KLHL18: variants seen among roughly 807,000 people sequenced by gnomAD.
The protein encoded by KLHL18 is kelch like family member 18, also known as kelch-like protein 18.
In KLHL18, 38 loss-of-function variants were observed where a neutral mutation model predicts 58.5. The ratio of observed to expected loss-of-function variants is 0.65; its 90% CI spans 0.50 to 0.85. The LOEUF (loss-of-function observed/expected upper bound fraction) is 0.85. KLHL18 is among the 40% of genes least tolerant of loss of function. The probability of loss-of-function intolerance (pLI) is 0.00; values close to 1 mark genes in which losing one functional copy is unlikely to be tolerated. For synonymous variants in KLHL18, 303 were observed against 301.9 expected (o/e 1.00, Z -0.04); for missense variants, 624 against 778.4 (o/e 0.80, Z 2.36).
chr3:47,292,367 G>A (rs868315538), intron 1 of KLHL18, among the ~76,000 whole-genome samples: 4 of 152,056 alleles, frequency 2.6e-5, no homozygotes, highest in East Asian at 3.9e-4. Flanking sequence ...CCAGCTACTC[G>A]GGAGGCTGAG....
At chr3:47,330,825 G>A (rs949509967) in intron 4 of KLHL18, among the ~76,000 whole-genome samples, 3 of 152,106 alleles carry the variant, frequency 2.0e-5, no homozygotes, top group African/African-American at 7.2e-5. Flanking sequence ...CCATCTCCCA[G>A]GTTCAAGCAA....
chr3:47,316,094 G>GA (rs1384870347), intron 1 of KLHL18, among the ~76,000 whole-genome samples: 2 of 152,012 alleles, frequency 1.3e-5, no homozygotes, highest in Non-Finnish European at 2.9e-5. Context: ...TTTCTGAGGA[G>GA]AAAAAATTAC....
chr3:47,327,365 A>G (rs973243005), intron 3 of KLHL18, among the ~76,000 whole-genome samples: 3 of 152,270 alleles, frequency 2.0e-5, no homozygotes, highest in Non-Finnish European at 4.4e-5. Context: ...ATGAATGCCA[A>G]TGGCTACGTT....
At chr3:47,292,469 C>T (rs1304966780) in intron 1 of KLHL18, among the ~76,000 whole-genome samples, 1 of 150,170 alleles carries the variant, frequency 6.7e-6, no homozygotes, top group African/African-American at 2.5e-5. Flanking sequence ...AGTGAAACTC[C>T]ATCTCAAAAA....
chr3:47,336,399 G>T, intron 6 of KLHL18, 136 bp from the exon 7 acceptor site: 1 of 730,138 alleles, frequency 1.4e-6, no homozygotes. Context: ...TTCTTAGTGG[G>T]CCCTTGTGCC....
chr3:47,287,459 G>A (rs1034933530), intron 1 of KLHL18: 2 of 145,928 alleles, frequency 1.4e-5, no homozygotes, highest in African/African-American at 5.4e-5. Context: ...AGTAGTGTGT[G>A]TGTGTGTGTG....
In KLHL18 at chr3:47,282,993, G is replaced by A; in HGVS notation, c.28G>A (p.Glu10Lys). 1 of 1,611,364 alleles carries A rather than the reference G, an allele frequency of 6.2e-7. No individual in the cohort carries two copies. Among genetic ancestry groups the A allele is most frequent in the Non-Finnish European group, 8.5e-7 (1 of 1,179,058 alleles). ...GGTGGAGGACGGCGCGGAGGAGCTGGAGGATCTGGTGCACTTCTCCGTGTC... is the reference window on the plus strand; with the variant it reads ...GGTGGAGGACGGCGCGGAGGAGCTGAAGGATCTGGTGCACTTCTCCGTGTC... MVEDGAEEL[E>K]DLVHFSVSEL... The change falls in exon 1 of 10, where the codon GAG (glutamate) becomes AAG (lysine). Residue 10 changes from glutamate (E) to lysine (K), a missense_variant. Glu to Lys is a moderately conservative substitution (Grantham distance 56, BLOSUM62 1). Transcript: ENST00000232766.
At chr3:47,309,984 G>A (rs868320140) in intron 1 of KLHL18, among the ~76,000 whole-genome samples, 1 of 151,318 alleles carries the variant, frequency 6.6e-6, no homozygotes. Context: ...ACCGTGGGGA[G>A]AGGGAGGGGG....
intron 1 of KLHL18, among the ~76,000 whole-genome samples, chr3:47,319,296 T>TA (rs1429800619): frequency 3.0e-4 from 46 of 152,338 alleles, no homozygotes; most frequent in African/African-American, 1.1e-3. Context: ...GATAAAGTGT[T>TA]ACAGGAATCA....
At chr3:47,340,705 T>G (rs1559505885) in intron 8 of KLHL18, 29 bp downstream of exon 8, 15 of 1,613,090 alleles carry the variant, frequency 9.3e-6, no homozygotes, top group Non-Finnish European at 1.3e-5. Flanking sequence ...TTGGGGCAAC[T>G]GGAGCTTATA....
chr3:47,309,298 G>T (rs547176439), intron 1 of KLHL18, among the ~76,000 whole-genome samples: 1 of 152,114 alleles, frequency 6.6e-6, no homozygotes, highest in Non-Finnish European at 1.5e-5. Flanking sequence ...CCTCCCAGAC[G>T]GGGCGGCGGC....
chr3:47,313,305 A>G (rs1265160856), intron 1 of KLHL18, among the ~76,000 whole-genome samples: 2 of 148,176 alleles, frequency 1.3e-5, no homozygotes, highest in South Asian at 2.2e-4. Context: ...GTAACCCCCA[A>G]CTCTCAGGCT....
rs1296401893 is a variant in KLHL18, at chr3:47,334,441, T to C, written c.762-242T>C. Among the ~76,000 whole-genome samples, 2 of 151,640 alleles carry C rather than the reference T, an allele frequency of 1.3e-5. No homozygotes were observed. Among genetic ancestry groups the C allele is most frequent in the East Asian group, 3.9e-4 (2 of 5,106 alleles). On this transcript the variant is annotated intron_variant, in intron 5 of 9. Coordinates refer to ENST00000232766, the MANE Select transcript of KLHL18 (RefSeq NM_025010.5). The surrounding 1 kb of genome is among the most constrained non-coding windows in gnomAD (Gnocchi z 4.7). The stretch of plus-strand genomic sequence containing the variant: ...TTTGGCCACTACCTTGTTTTTCTCA[T>C]GCCTAATCTACACTAGCTGAGGTGG...
chr3:47,336,833 A>G, intron 7 of KLHL18, 76 bp downstream of exon 7: 1 of 1,163,894 alleles, frequency 8.6e-7, no homozygotes. Context: ...GAGCAGGGGC[A>G]CACAGTAGAG....
intron 4 of KLHL18, among the ~76,000 whole-genome samples, chr3:47,331,092 T>C (rs2107648434): frequency 6.6e-6 from 1 of 151,892 alleles, no homozygotes; most frequent in Admixed American, 6.6e-5. Context: ...TTGGGGCAGC[T>C]GTGGGAGGGG....
chr3:47,336,452 G>T, intron 6 of KLHL18, 83 bp from the exon 7 acceptor site: 1 of 1,197,310 alleles, frequency 8.4e-7, no homozygotes, highest in Non-Finnish European at 1.2e-6. Context: ...TGAGTCGAAT[G>T]TTCCATATAA....
chr3:47,330,262 G>A (rs1001084192), intron 4 of KLHL18, 113 bp downstream of exon 4: 19 of 915,222 alleles, frequency 2.1e-5, no homozygotes, highest in Non-Finnish European at 2.5e-5. Context: ...GTATGTGGCT[G>A]TTGTATATTA....
Position 47,344,128 on chromosome 3 carries a change from T to C in KLHL18, c.*187T>C. On this transcript the variant is annotated 3_prime_UTR_variant, in exon 10 of 10. Coordinates refer to ENST00000232766, the MANE Select transcript of KLHL18 (RefSeq NM_025010.5). ...CACCCTTGTGACCTTCAGGCTTGGG[T>C]CATCAAGATGCACAGCATGGAACAC... The C allele has an allele frequency of 1.5e-6, 1 of 654,406 alleles. No individual in the cohort carries two copies. Among genetic ancestry groups the C allele is most frequent in the Non-Finnish European group, 2.6e-6 (1 of 390,694 alleles). The allele number at this position is 654,406 out of a possible 1,614,324, so 40.5% of individuals were successfully genotyped here. A position where few individuals can be genotyped will look rare whatever the true frequency, so the allele number is the denominator to read the frequency against.
In KLHL18 at chr3:47,333,165, A is replaced by C; in HGVS notation, c.609A>C (p.Glu203Asp). 1 of 1,613,230 alleles carries C rather than the reference A, an allele frequency of 6.2e-7. No homozygotes were observed. Among genetic ancestry groups the C allele is most frequent in the East Asian group, 2.2e-5 (1 of 44,872 alleles). ...ATCCACTCTCATGACAGGTCTTTGA[A>C]GCTGCATTGGCCTGGGTCAGATACG... ...LNVKSEEQVF[E>D]AALAWVRYDR... is the part of the protein sequence containing the mutation. Residue 203 changes from glutamate (E) to aspartate (D), a missense_variant, in exon 5 of 10, where the codon GAA becomes GAC. Glu to Asp is a conservative substitution (Grantham distance 45, BLOSUM62 2). Coordinates refer to ENST00000232766, the MANE Select transcript of KLHL18 (RefSeq NM_025010.5).
Sources: gnomAD v4.1 joint callset for allele counts (sites outside exome capture counted in the v4.1 genomes callset) on GRCh38, gnomAD v4.1.1 for gene constraint, Gnocchi (gnomAD v3.1) non-coding constraint, MANE v1.5 for transcripts, NCBI Gene and HGNC (gene_info 2026-07-23, HGNC 2026-07-21) for gene names.